PDGFC: variants seen among roughly 807,000 people sequenced by gnomAD.
The protein encoded by PDGFC is platelet-derived growth factor C.
A neutral mutation model predicts 35.5 loss-of-function variants in PDGFC; 12 were observed. The ratio of observed to expected loss-of-function variants is 0.34; its 90% CI spans 0.22 to 0.55. PDGFC has a LOEUF of 0.55. PDGFC is among the 20% of genes least tolerant of loss of function. The probability of loss-of-function intolerance (pLI) is 0.91; values close to 1 mark genes in which losing one functional copy is unlikely to be tolerated. For synonymous variants in PDGFC, 159 were observed against 148.8 expected, an observed-to-expected ratio of 1.07 and a Z score of -0.50; for missense variants, 322 against 412.4, an observed-to-expected ratio of 0.78 and a Z score of 1.90.
At chr4:156,919,090 T>G (rs916908966) in intron 1 of PDGFC, among the ~76,000 whole-genome samples, 2 of 152,186 alleles carry the variant, frequency 1.3e-5, no homozygotes, top group African/African-American at 4.8e-5. Flanking sequence ...GAATACATAT[T>G]CCATCTGATA....
chr4:156,913,488 T>G (rs1245476868), intron 1 of PDGFC, among the ~76,000 whole-genome samples: 3 of 152,220 alleles, frequency 2.0e-5, no homozygotes, highest in East Asian at 3.9e-4. Context: ...TACGGAATCA[T>G]GTACTAAGCC....
intron 2 of PDGFC, among the ~76,000 whole-genome samples, chr4:156,817,226 AT>A (rs1417246790): frequency 1.3e-5 from 2 of 152,198 alleles, no homozygotes; most frequent in African/African-American, 4.8e-5. Context: ...TCAAAACAAA[AT>A]ATCAGGTGAA....
chr4:156,893,210 CATTAATGT>C (rs1279283046), intron 1 of PDGFC, among the ~76,000 whole-genome samples: 1 of 152,126 alleles, frequency 6.6e-6, no homozygotes, highest in Admixed American at 6.5e-5. Flanking sequence ...AGCCTAGTTT[CATTAATGT>C]AAGAAGAGCT....
chr4:156,943,259 C>T (rs1434536561), intron 1 of PDGFC, among the ~76,000 whole-genome samples: 2 of 152,096 alleles, frequency 1.3e-5, no homozygotes, highest in African/African-American at 4.8e-5. Flanking sequence ...TAGCTCATTT[C>T]ATCTCTGAGA....
In PDGFC at chr4:156,831,850, A is replaced by G. The variant is rs74789348; in HGVS notation, c.314+18371T>C. On this transcript the variant is annotated intron_variant, in intron 2 of 5. Transcript: ENST00000502773. ...TAGATACAATTTTTCAAACCTTATT[A>G]TAATATCAATCATCCTTCATCTTCT... Among the ~76,000 whole-genome samples the G allele has an allele frequency of 6.1e-3, 931 of 152,252 alleles. 15 individuals carry two copies. The highest frequency in any genetic ancestry group is 0.022 in the African/African-American group (895 of 41,546).
intron 1 of PDGFC, among the ~76,000 whole-genome samples, chr4:156,940,944 C>A (rs564732516): frequency 8.9e-4 from 135 of 152,192 alleles, no homozygotes; most frequent in Non-Finnish European, 1.4e-3. Flanking sequence ...TTATCCTTGC[C>A]ATTTCTAAAT....
intron 1 of PDGFC, among the ~76,000 whole-genome samples, chr4:156,949,170 TA>T (rs1732019427): frequency 6.6e-6 from 1 of 151,930 alleles, no homozygotes; most frequent in South Asian, 2.1e-4. Context: ...CTCCTACTAT[TA>T]AGAATTCTTT....
At chr4:156,969,484 A>G (rs1187420278) in intron 1 of PDGFC, among the ~76,000 whole-genome samples, 1 of 152,272 alleles carries the variant, frequency 6.6e-6, no homozygotes, top group African/African-American at 2.4e-5. Flanking sequence ...AACAGCAAAT[A>G]CAAATAACGT....
chr4:156,953,976 G>A (rs1420665310), intron 1 of PDGFC, among the ~76,000 whole-genome samples: 1 of 151,902 alleles, frequency 6.6e-6, no homozygotes, highest in African/African-American at 2.4e-5. Context: ...AATTCACTCT[G>A]CCTCATATAG....
intron 1 of PDGFC, among the ~76,000 whole-genome samples, chr4:156,956,664 T>A (rs966165951): frequency 6.6e-6 from 1 of 151,998 alleles, no homozygotes; most frequent in African/African-American, 2.4e-5. Context: ...TGAGGAAATT[T>A]AAAAATGTAA....
At chr4:156,913,093 CCTT>C (rs1313209150) in intron 1 of PDGFC, among the ~76,000 whole-genome samples, 7 of 151,998 alleles carry the variant, frequency 4.6e-5, no homozygotes, top group African/African-American at 1.7e-4. Flanking sequence ...CTTGTTACCC[CCTT>C]CTTCTTCAAG....
rs190785021 is a variant in PDGFC at position 156,848,163 on chromosome 4, A to G, written c.314+2058T>C. Among the ~76,000 whole-genome samples, 8 of 152,052 alleles carry G rather than the reference A, an allele frequency of 5.3e-5. No homozygotes were observed. In the East Asian group the frequency reaches 1.3e-3, roughly 26 times the overall value. ...GTAATATGAATGGCTGATAATAAAT[A>G]TAAAAATTTCTCAACCTTATTAGTA... is the stretch of plus-strand genomic sequence containing the variant. On this transcript the variant is annotated intron_variant, in intron 2 of 5. Transcript: ENST00000502773.
chr4:156,953,904 T>G (rs1732143794), intron 1 of PDGFC, among the ~76,000 whole-genome samples: 1 of 151,944 alleles, frequency 6.6e-6, no homozygotes, highest in African/African-American at 2.4e-5. Context: ...CCATTCTCTA[T>G]CCTCACTAAA....
chr4:156,804,775 A>G (rs1379838120), intron 3 of PDGFC, among the ~76,000 whole-genome samples: 1 of 152,024 alleles, frequency 6.6e-6, no homozygotes, highest in African/African-American at 2.4e-5. Context: ...TTATTTCTAG[A>G]AAACAACTCC....
chr4:156,863,459 G>A (rs1026161500), intron 1 of PDGFC, among the ~76,000 whole-genome samples: 3 of 151,856 alleles, frequency 2.0e-5, no homozygotes, highest in Admixed American at 6.6e-5. Context: ...CTTTGTTTTC[G>A]TAAACTTGGC....
In PDGFC at chr4:156,772,418, T is replaced by C. The variant is rs184134579; in HGVS notation, c.703+268A>G. On this transcript the variant is annotated intron_variant, in intron 4 of 5. Transcript: ENST00000502773. ...TTGTAAAATGCAATGAAGGACTTCA[T>C]CAAAATGATATTTTTGAAGATAATA... is the stretch of plus-strand genomic sequence containing the variant. 2.6e-5 allele frequency among the ~76,000 whole-genome samples: 4 copies of C among 152,278 alleles called. No homozygotes were observed. In the East Asian group the frequency reaches 5.8e-4, roughly 22 times the overall value.
At chr4:156,830,347 G>A (rs1334770333) in intron 2 of PDGFC, among the ~76,000 whole-genome samples, 2 of 151,140 alleles carry the variant, frequency 1.3e-5, no homozygotes, top group African/African-American at 2.4e-5. Flanking sequence ...GAGAACTTAC[G>A]CACCTCAAAC....
chr4:156,969,498 C>T (rs1410172652), intron 1 of PDGFC, among the ~76,000 whole-genome samples: 2 of 152,206 alleles, frequency 1.3e-5, no homozygotes, highest in African/African-American at 2.4e-5. Flanking sequence ...ATAACGTTTG[C>T]AAAAGTCGGC....
At chr4:156,915,344 C>T (rs564085246) in intron 1 of PDGFC, among the ~76,000 whole-genome samples, 1 of 152,266 alleles carries the variant, frequency 6.6e-6, no homozygotes, top group African/African-American at 2.4e-5. Context: ...CTATTAGCTT[C>T]TTAGGCTCCC....
Sources: allele counts gnomAD v4.1 joint callset (sites outside exome capture counted in the v4.1 genomes callset), GRCh38; gene constraint gnomAD v4.1.1; transcripts MANE v1.5; gene names NCBI Gene and HGNC (gene_info 2026-07-23, HGNC 2026-07-21).